Variants in PITPNM2 observed in about 807,000 individuals in gnomAD.
PITPNM2 encodes phosphatidylinositol transfer protein membrane associated 2.
Under a neutral mutation model 132.2 loss-of-function variants are expected in PITPNM2, and 35 were observed. That is an observed-to-expected ratio of 0.26 (90% CI 0.20 to 0.35). The LOEUF (loss-of-function observed/expected upper bound fraction) is 0.35. Ranked by LOEUF, PITPNM2 falls within the 10% of genes least tolerant of loss-of-function variation. PITPNM2 has a pLI of 1.00. For synonymous variants in PITPNM2, 738 were observed against 799.2 expected (o/e 0.92, Z 1.29); for missense variants, 1,332 against 1,912.0 (o/e 0.70, Z 5.66).
rs1303718309 is a variant in PITPNM2, at chr12:123,009,546, T to TA, written c.643+303dup. 3.3e-5 allele frequency among the ~76,000 whole-genome samples: 5 copies of TA among 152,332 alleles called. No homozygotes were observed. The East Asian group carries it at 9.6e-4, about 29-fold the overall frequency. Reference sequence around the variant, plus strand: ...CTACTCAGACCTGTGGAGTGTGGGCTACTCTTTATCAAATGCGAACTAGGT... The same window carrying TA: ...CTACTCAGACCTGTGGAGTGTGGGCTAACTCTTTATCAAATGCGAACTAGGT... On this transcript the variant is annotated intron_variant, in intron 6 of 25. Coordinates refer to ENST00000320201, the MANE Select transcript of PITPNM2 (RefSeq NM_020845.3). This position sits in a 1 kb window ranked among gnomAD's most constrained non-coding sequence, Gnocchi z 4.8.
intron 20 of PITPNM2, 48 bp from the exon 21 acceptor site, chr12:122,987,949 G>A (rs1191191212): frequency 8.5e-6 from 13 of 1,522,268 alleles, no homozygotes; most frequent in East Asian, 2.3e-5. Context: ...AGGGCACCCC[G>A]GGTCCCTGTG....
At chr12:123,120,682 C>A (rs924642242) in intron 1 of PITPNM2, among the ~76,000 whole-genome samples, 2 of 152,214 alleles carry the variant, frequency 1.3e-5, no homozygotes, top group Non-Finnish European at 2.9e-5. Flanking sequence ...CAACACCTAG[C>A]ACCTTAGGGC....
chr12:122,995,698 G>T, intron 13 of PITPNM2, 38 bp from the exon 14 acceptor site: 1 of 1,538,282 alleles, frequency 6.5e-7, no homozygotes, highest in Non-Finnish European at 8.7e-7. Context: ...CCAGGTGGCC[G>T]CTGGCCTGAC....
rs192022498 is a variant in PITPNM2, at chr12:123,117,149, T to C, written c.-199-6661A>G. Among the ~76,000 whole-genome samples the C allele has an allele frequency of 3.8e-4, 58 of 152,244 alleles. 2 individuals are homozygous for C. The East Asian group carries it at 9.7e-3, about 25-fold the overall frequency. ...CCTTTTGTATCCTCACATATGAGAGTTGCTGAGAGACGTTAGTGCTTAAAT... is the reference window on the plus strand; with the variant it reads ...CCTTTTGTATCCTCACATATGAGAGCTGCTGAGAGACGTTAGTGCTTAAAT... On this transcript the variant is annotated intron_variant, in intron 1 of 25. Transcript: ENST00000320201. This position sits in a 1 kb window ranked among gnomAD's most constrained non-coding sequence, Gnocchi z 4.7.
intron 2 of PITPNM2, among the ~76,000 whole-genome samples, chr12:123,060,211 G>A (rs1162511275): frequency 1.3e-5 from 2 of 152,110 alleles, no homozygotes; most frequent in African/African-American, 4.8e-5. Context: ...GAACTTGACT[G>A]GGTCACCTCC....
chr12:123,023,245 G>A lies in PITPNM2; in HGVS notation c.79-9203C>T, dbSNP rs1449659648. Among the ~76,000 whole-genome samples the A allele has an allele frequency of 6.6e-6, 1 of 152,204 alleles. No individual in the cohort carries two copies. The highest frequency in any genetic ancestry group is 2.4e-5 in the African/African-American group (1 of 41,436). ...CTGAGGGCTGTGCTCCCTGTGAGGG[G>A]CTCACTGAAGCTGCCACTCAGAATG... On this transcript the variant is annotated intron_variant, in intron 3 of 25. Transcript: ENST00000320201. This position sits in a 1 kb window ranked among gnomAD's most constrained non-coding sequence, Gnocchi z 4.8.
intron 1 of PITPNM2, among the ~76,000 whole-genome samples, chr12:123,142,487 T>C (rs112084132): frequency 6.6e-6 from 1 of 152,210 alleles, no homozygotes; most frequent in African/African-American, 2.4e-5. Flanking sequence ...ATTTTGTTAT[T>C]AATGGTGTTT....
In PITPNM2 at chr12:123,008,056, C is replaced by A. The variant is rs1314060583; in HGVS notation, c.643+1794G>T. ...GTCCGATAGGATCGGTGTCATTACA[C>A]CCATTTTACAGAAGAGAAAAGCAAA... On this transcript the variant is annotated intron_variant, in intron 6 of 25. Transcript: ENST00000320201. This position sits in a 1 kb window ranked among gnomAD's most constrained non-coding sequence, Gnocchi z 4.1. Among the ~76,000 whole-genome samples, 1 of 152,230 alleles carries A rather than the reference C, an allele frequency of 6.6e-6. No individual in the cohort carries two copies. Among genetic ancestry groups the A allele is most frequent in the Non-Finnish European group, 1.5e-5 (1 of 68,046 alleles).
intron 1 of PITPNM2, among the ~76,000 whole-genome samples, chr12:123,141,549 AGAAGAGCAGCCGTCTCCTGGAGAGG>A (rs1379791415): frequency 4.6e-5 from 7 of 152,128 alleles, no homozygotes; most frequent in Admixed American, 6.5e-5. Flanking sequence ...CCCTGGAGAA[AGAAGAGCAGCCGTCTCCTGGAGAGG>A]GAAGAGCAGC....
chr12:122,998,776 G>A (rs1448512868), intron 10 of PITPNM2, among the ~76,000 whole-genome samples: 1 of 150,388 alleles, frequency 6.6e-6, no homozygotes, highest in African/African-American at 2.5e-5. Context: ...CAACACAGAG[G>A]CTGGGTGGGT....
Position 123,000,488 on chromosome 12 carries a change from A to G in PITPNM2, c.1224+290T>C, listed in dbSNP as rs1480068389. On this transcript the variant is annotated intron_variant, in intron 10 of 25. Coordinates refer to ENST00000320201, the MANE Select transcript of PITPNM2 (RefSeq NM_020845.3). This position sits in a 1 kb window ranked among gnomAD's most constrained non-coding sequence, Gnocchi z 5.4. ...AGATCTTATTTTTGATCTGGAATTTACAAGTTTCTCATTTTACTTTCCCAT... is the reference window on the plus strand; with the variant it reads ...AGATCTTATTTTTGATCTGGAATTTGCAAGTTTCTCATTTTACTTTCCCAT... 5.7e-6 allele frequency: 4 copies of G among 702,284 alleles called. No homozygotes were observed. The highest frequency in any genetic ancestry group is 5.2e-5 in the African/African-American group (3 of 57,162). 43.5% of individuals were successfully genotyped at this position (702,284 alleles called of 1,614,324 possible).
At chr12:123,120,060 G>A (rs903240959) in intron 1 of PITPNM2, among the ~76,000 whole-genome samples, 3 of 152,176 alleles carry the variant, frequency 2.0e-5, no homozygotes, top group Non-Finnish European at 4.4e-5. Flanking sequence ...GCCTGCCGGG[G>A]TTTTGCTGCA....
intron 1 of PITPNM2, among the ~76,000 whole-genome samples, chr12:123,142,183 A>G (rs866370453): frequency 1.3e-5 from 2 of 152,344 alleles, no homozygotes; most frequent in Middle Eastern, 3.4e-3. Context: ...AATACTCTCT[A>G]TCACAGTACA....
chr12:123,119,008 T>C (rs1490856968), intron 1 of PITPNM2, among the ~76,000 whole-genome samples: 1 of 152,192 alleles, frequency 6.6e-6, no homozygotes, highest in East Asian at 1.9e-4. Flanking sequence ...CTGTCAGCTT[T>C]AGTCACCTGC....
chr12:123,037,225 G>A (rs1362058942), intron 2 of PITPNM2, among the ~76,000 whole-genome samples: 1 of 152,258 alleles, frequency 6.6e-6, no homozygotes, highest in African/African-American at 2.4e-5. Flanking sequence ...CTTCCAGCTG[G>A]CTGGGAGGGT....
intron 1 of PITPNM2, among the ~76,000 whole-genome samples, chr12:123,125,178 T>C (rs1490328894): frequency 2.0e-5 from 3 of 152,146 alleles, no homozygotes; most frequent in Admixed American, 2.0e-4. Context: ...CAGGTTGGTC[T>C]CAAACTCCTG....
At chr12:123,047,312 C>G (rs1258531663) in intron 2 of PITPNM2, among the ~76,000 whole-genome samples, 1 of 152,134 alleles carries the variant, frequency 6.6e-6, no homozygotes, top group African/African-American at 2.4e-5. Context: ...GAGGGAAAGC[C>G]CCACTTAAAC....
At chr12:123,017,385 A>G (rs1055174194) in intron 3 of PITPNM2, among the ~76,000 whole-genome samples, 3 of 152,084 alleles carry the variant, frequency 2.0e-5, no homozygotes, top group African/African-American at 7.2e-5. Flanking sequence ...AAAAAAAAAA[A>G]GTTTAGCACT....
chr12:123,136,680 G>A (rs778197120), intron 1 of PITPNM2, among the ~76,000 whole-genome samples: 1 of 151,892 alleles, frequency 6.6e-6, no homozygotes. Context: ...GGTGGATCAC[G>A]AGGTCAGGAG....
Sources: allele counts gnomAD v4.1 joint callset (sites outside exome capture counted in the v4.1 genomes callset), GRCh38; gene constraint gnomAD v4.1.1; non-coding constraint Gnocchi (gnomAD v3.1); transcripts MANE v1.5; gene names NCBI Gene and HGNC (gene_info 2026-07-23, HGNC 2026-07-21).